ASB6: variants seen among roughly 807,000 people sequenced by gnomAD.
ASB6 encodes ankyrin repeat and SOCS box protein 6.
ASB6 carries 24 observed loss-of-function variants against 28.6 expected under a neutral mutation model. That is an observed-to-expected ratio of 0.84 (90% confidence interval 0.61 to 1.18). The LOEUF is 1.18. Among genes scored for constraint, ASB6 ranks in the 50% most tolerant of loss-of-function variants. ASB6 has a pLI of 0.00. For missense variants in ASB6, 519 were observed against 559.8 expected, an observed-to-expected ratio of 0.93 and a Z score of 0.74; for synonymous variants, 267 against 243.4, an observed-to-expected ratio of 1.10 and a Z score of -0.90.
chr9:129,639,134 C>T (rs1385685087), intron 4 of ASB6, 68 bp downstream of exon 4: 7 of 1,461,048 alleles, frequency 4.8e-6, no homozygotes, highest in South Asian at 2.6e-5. Context: ...TGTCCTGGGG[C>T]ACCCTGGGTG....
chr9:129,637,729 G>T lies in ASB6; in HGVS notation c.*61C>A. The T allele has an allele frequency of 2.8e-6, 4 of 1,425,616 alleles. No homozygotes were observed. The highest frequency in any genetic ancestry group is 3.8e-6 in the Non-Finnish European group (4 of 1,064,956). The allele number at this position is 1,425,616 out of a possible 1,614,324, so 88.3% of individuals were successfully genotyped here. A position where few individuals can be genotyped will look rare whatever the true frequency, so the allele number is the denominator to read the frequency against. Reference sequence around the variant, plus strand: ...AAGACCCTCTTCTAATGCTGTCCCAGCATCTACCAACAGGCTGACCTGAGC... The same window carrying T: ...AAGACCCTCTTCTAATGCTGTCCCATCATCTACCAACAGGCTGACCTGAGC... On this transcript the variant is annotated 3_prime_UTR_variant, in exon 6 of 6. Transcript: ENST00000277458.
chr9:129,635,327 G>T lies in ASB6; in HGVS notation c.*2463C>A, dbSNP rs150529893. On this transcript the variant is annotated 3_prime_UTR_variant, in exon 6 of 6. Coordinates refer to ENST00000277458, the MANE Select transcript of ASB6 (RefSeq NM_017873.4). ...CCAGGAGGGCGTGATTCTGGACGAC[G>T]TGGACAGCAGCGTGTGCCGGGACCT... is the stretch of plus-strand genomic sequence containing the variant. 1.2e-5 allele frequency: 19 copies of T among 1,613,720 alleles called. No homozygotes were observed. In the Admixed American group the frequency reaches 3.2e-4, roughly 27 times the overall value.
intron 1 of ASB6, chr9:129,640,937 G>T: frequency 1.7e-6 from 1 of 572,726 alleles, no homozygotes; most frequent in Non-Finnish European, 3.0e-6. Flanking sequence ...GAATGGGCTG[G>T]GTCTGTCTGC....
At position 129,637,991 on chromosome 9, in the gene ASB6, C is replaced by T. The variant is rs369236250; in HGVS notation, c.1065G>A (p.Ala355=). 1.5e-5 allele frequency: 24 copies of T among 1,609,884 alleles called. No individual in the cohort carries two copies. In the African/African-American group the frequency reaches 2.4e-4, roughly 16 times the overall value. ...AGAAGTGGAGGGCCTGGATCTTTTC[C>T]GCCAGGCTGCCCACAGGGTGGATAT... ...NFDIHPVGSL[A]EKIQALHFSL... The change falls in exon 6 of 6, where the codon GCG becomes GCA. Residue 355 remains alanine (A), a synonymous_variant. Coordinates refer to ENST00000277458, the MANE Select transcript of ASB6 (RefSeq NM_017873.4).
chr9:129,639,433 T>G lies in ASB6; in HGVS notation c.371A>C (p.His124Pro). The part of the protein sequence containing the change: ...NQPDMVELLV[H>P]HGADVNRRDR... The stretch of plus-strand genomic sequence containing the variant: ...CCTCCGATTAACGTCGGCCCCGTGA[T>G]GCACCAGCAGCTCCACCATGTCCGG... Residue 124 changes from histidine (H) to proline (P), a missense_variant, in exon 3 of 6, where the codon CAT (histidine) becomes CCT (proline). By Grantham distance (77) the His-to-Pro change is moderately conservative (BLOSUM62 -2). Coordinates refer to ENST00000277458, the MANE Select transcript of ASB6 (RefSeq NM_017873.4). 6.2e-7 allele frequency: 1 copy of G among 1,613,670 alleles called. No individual in the cohort carries two copies. The highest frequency in any genetic ancestry group is 1.1e-5 in the South Asian group (1 of 91,028).
At position 129,638,329 on chromosome 9, in the gene ASB6, T is replaced by G; in HGVS notation, c.727A>C (p.Thr243Pro). ...QMINRFCFQV[T>P]RLLLAHGADP... is the part of the protein sequence containing the mutation. ...GCCCCGTGTGCCAGCAGCAGCCGTG[T>G]GACTTGGAAGCAGAAGCGGTTGATC... Residue 243 changes from threonine to proline, a missense_variant, in exon 6 of 6, where the codon ACA (threonine) becomes CCA (proline). Coordinates refer to ENST00000277458, the MANE Select transcript of ASB6 (RefSeq NM_017873.4). 6.2e-7 allele frequency: 1 copy of G among 1,612,878 alleles called. No individual in the cohort carries two copies. The highest frequency in any genetic ancestry group is 1.6e-4 in the Middle Eastern group (1 of 6,062).
At position 129,642,028 on chromosome 9, in the gene ASB6, C is replaced by A. The variant is rs77888825; in HGVS notation, c.-29G>T. 5,683 of 1,565,278 alleles carry A rather than the reference C, an allele frequency of 3.6e-3. 195 individuals are homozygous for A. The African/African-American group carries it at 0.072, about 20-fold the overall frequency. The stretch of plus-strand genomic sequence containing the variant: ...CGCGGGCCCCGCGCAGCAGGGCCGT[C>A]GCGCTTTCTGCCGAGGCCGAGATGC... On this transcript the variant is annotated 5_prime_UTR_variant, in exon 1 of 6. Coordinates refer to ENST00000277458, the MANE Select transcript of ASB6 (RefSeq NM_017873.4). The surrounding 1 kb of genome is among the most constrained non-coding windows in gnomAD (Gnocchi z 4.3).
Position 129,637,957 on chromosome 9 carries a change from G to C in ASB6, c.1099C>G (p.Gln367Glu), listed in dbSNP as rs769783503. The change falls in exon 6 of 6, where the codon CAG (glutamine) becomes GAG (glutamate). Residue 367 changes from glutamine to glutamate, a missense_variant. By Grantham distance (29) the Gln-to-Glu change is conservative. Transcript: ENST00000277458. Reference protein sequence around the residue: ...KIQALHFSLRQLESYPPPLKH... With the variant: ...KIQALHFSLRELESYPPPLKH... ...AGGGGCGGGGGATAGCTCTCCAGCTGCCTCAAGGAGAAGTGGAGGGCCTGG... is the reference window on the plus strand; with the variant it reads ...AGGGGCGGGGGATAGCTCTCCAGCTCCCTCAAGGAGAAGTGGAGGGCCTGG... 1 of 1,599,154 alleles carries C rather than the reference G, an allele frequency of 6.3e-7. No individual in the cohort carries two copies. The highest frequency in any genetic ancestry group is 8.5e-7 in the Non-Finnish European group (1 of 1,171,884).
chr9:129,639,518 C>A lies in ASB6; in HGVS notation c.296-10G>T. 1 of 1,607,756 alleles carries A rather than the reference C, an allele frequency of 6.2e-7. No homozygotes were observed. On this transcript the variant is annotated splice_polypyrimidine_tract_variant and intron_variant, in intron 2 of 5. Transcript: ENST00000277458. The stretch of plus-strand genomic sequence containing the variant: ...TAGTAGGTGACTGGGTCTGAAGGTG[C>A]AGACACAGCTCATGTGGGTCCTATC...
At position 129,637,010 on chromosome 9, in the gene ASB6, G is replaced by A. The variant is rs1227303027; in HGVS notation, c.*780C>T. On this transcript the variant is annotated 3_prime_UTR_variant, in exon 6 of 6. Coordinates refer to ENST00000277458, the MANE Select transcript of ASB6 (RefSeq NM_017873.4). ...ACCAGTGCAGCTTGGAAGGGACTGA[G>A]GCTCGCAAGTGGGTGGCACAGTCGG... The A allele has an allele frequency of 2.0e-5, 3 of 152,270 alleles. No individual in the cohort carries two copies. Among genetic ancestry groups the A allele is most frequent in the Admixed American group, 6.5e-5 (1 of 15,284 alleles). The allele number at this position is 152,270 out of a possible 1,614,324, so 9.4% of individuals were successfully genotyped here. A position where few individuals can be genotyped will look rare whatever the true frequency, so the allele number is the denominator to read the frequency against.
chr9:129,638,621 C>T lies in ASB6; in HGVS notation c.550G>A (p.Gly184Arg), dbSNP rs755041021. 24 of 1,613,704 alleles carry T rather than the reference C, an allele frequency of 1.5e-5. No individual in the cohort carries two copies. The highest frequency in any genetic ancestry group is 5.5e-5 in the South Asian group (5 of 91,020). The change falls in exon 5 of 6, where the codon GGG (glycine) becomes AGG (arginine). Residue 184 changes from glycine to arginine, a missense_variant. Coordinates refer to ENST00000277458, the MANE Select transcript of ASB6 (RefSeq NM_017873.4). The stretch of plus-strand genomic sequence containing the variant: ...TTCTCAGTATTGTGGATCTGCACCC[C>T]GTCGCTGCTGGCCAGAGCATGGAGC... ...ALLHALASSD[G>R]VQIHNTENIR...
At chr9:129,639,833 G>A (rs1418223202) in intron 2 of ASB6, among the ~76,000 whole-genome samples, 1 of 152,238 alleles carries the variant, frequency 6.6e-6, no homozygotes, top group East Asian at 1.9e-4. Flanking sequence ...TGTAGGCCTG[G>A]TGGTAACAGC....
chr9:129,639,538 C>T (rs772261676), intron 2 of ASB6, 30 bp from the exon 3 acceptor site: 2 of 1,586,638 alleles, frequency 1.3e-6, no homozygotes, highest in South Asian at 2.2e-5. Context: ...TCATGTGGGT[C>T]CTATCTGTCC....
In ASB6 at chr9:129,641,967, G is replaced by A. The variant is rs1375549672; in HGVS notation, c.33C>T (p.Ile11=). 6.9e-6 allele frequency: 11 copies of A among 1,604,586 alleles called. No homozygotes were observed. Among genetic ancestry groups the A allele is most frequent in the African/African-American group, 1.4e-5 (1 of 73,740 alleles). Reference sequence around the variant, plus strand: ...CATCCACCAGCGGCTGGTACTCGAAGATGATCCTCCGGAAGCCGTGCAGGA... The same window carrying A: ...CATCCACCAGCGGCTGGTACTCGAAAATGATCCTCCGGAAGCCGTGCAGGA... MPFLHGFRRI[I]FEYQPLVDAI... The change falls in exon 1 of 6, where the codon ATC becomes ATT. Residue 11 remains isoleucine (I), a synonymous_variant. Transcript: ENST00000277458.
Position 129,639,285 on chromosome 9 carries a change from A to T in ASB6, c.428T>A (p.Leu143Gln), listed in dbSNP as rs1831634661. ...CAGGCGCTCAGGCTCCTCGCTGGCCAGGTCCAAGGGGCTACTCTCGTGGAT... is the reference window on the plus strand; with the variant it reads ...CAGGCGCTCAGGCTCCTCGCTGGCCTGGTCCAAGGGGCTACTCTCGTGGAT... Reference protein sequence around the residue: ...DRIHESSPLDLASEEPERLPC... With the variant: ...DRIHESSPLDQASEEPERLPC... Residue 143 changes from leucine (L) to glutamine (Q), a missense_variant, in exon 4 of 6, where the codon CTG becomes CAG. Physicochemically the swap from Leu to Gln is moderately radical, Grantham distance 113. Transcript: ENST00000277458. 6 of 1,613,090 alleles carry T rather than the reference A, an allele frequency of 3.7e-6. No individual in the cohort carries two copies. The highest frequency in any genetic ancestry group is 1.3e-5 in the African/African-American group (1 of 75,058).
intron 1 of ASB6, among the ~76,000 whole-genome samples, 161 bp downstream of exon 1, chr9:129,641,726 C>G (rs1379741101): frequency 6.6e-6 from 1 of 152,108 alleles, no homozygotes; most frequent in African/African-American, 2.4e-5. Flanking sequence ...GGAGTGGGAT[C>G]CGCGCGGGGC....
chr9:129,635,055 T>C lies in ASB6; in HGVS notation c.*2735A>G. 1 of 859,864 alleles carries C rather than the reference T, an allele frequency of 1.2e-6. No homozygotes were observed. Among genetic ancestry groups the C allele is most frequent in the Non-Finnish European group, 1.8e-6 (1 of 557,420 alleles). 53.3% of individuals were successfully genotyped at this position (859,864 alleles called of 1,614,324 possible). On this transcript the variant is annotated 3_prime_UTR_variant, in exon 6 of 6. Transcript: ENST00000277458. ...TCCTATTCTATGAATTGGGGTTTAGTAAATCTCTCGGGACTGAGAGCCAAT... is the reference window on the plus strand; with the variant it reads ...TCCTATTCTATGAATTGGGGTTTAGCAAATCTCTCGGGACTGAGAGCCAAT...
Position 129,635,636 on chromosome 9 carries a change from C to A in ASB6, c.*2154G>T. On this transcript the variant is annotated 3_prime_UTR_variant, in exon 6 of 6. Coordinates refer to ENST00000277458, the MANE Select transcript of ASB6 (RefSeq NM_017873.4). ...CTTCTTCAAAAGGCAAGGTGGGACCCGGCGGGGAGGGTGCTGCTGAACCAG... is the reference window on the plus strand; with the variant it reads ...CTTCTTCAAAAGGCAAGGTGGGACCAGGCGGGGAGGGTGCTGCTGAACCAG... 1 of 816,046 alleles carries A rather than the reference C, an allele frequency of 1.2e-6. No homozygotes were observed. Among genetic ancestry groups the A allele is most frequent in the East Asian group, 2.5e-5 (1 of 39,820 alleles). 50.6% of individuals were successfully genotyped at this position (816,046 alleles called of 1,614,324 possible).
chr9:129,637,906 GGATGGCC>G lies in ASB6; in HGVS notation c.1143_1149del (p.Ala382GlyfsTer11). 1 of 1,581,310 alleles carries G rather than the reference GGATGGCC, an allele frequency of 6.3e-7. No homozygotes were observed. Among genetic ancestry groups the G allele is most frequent in the Non-Finnish European group, 8.6e-7 (1 of 1,163,326 alleles). On this transcript the variant is annotated frameshift_variant, in exon 6 of 6. Coordinates refer to ENST00000277458, the MANE Select transcript of ASB6 (RefSeq NM_017873.4). LOFTEE classifies it high-confidence loss of function. Reference sequence around the variant, plus strand: ...ACAGGCCACGGCTGAAGGTAGAGCCGGATGGCCACACGGCACAGGTGCTTGAGGGGCG... The same window carrying G: ...ACAGGCCACGGCTGAAGGTAGAGCCGACACGGCACAGGTGCTTGAGGGGCG...
Sources: allele counts gnomAD v4.1 joint callset (sites outside exome capture counted in the v4.1 genomes callset), GRCh38; gene constraint gnomAD v4.1.1; non-coding constraint Gnocchi (gnomAD v3.1); transcripts MANE v1.5; gene names NCBI Gene and HGNC (gene_info 2026-07-23, HGNC 2026-07-21).